The following HEMK2 variants were observed in gnomAD, a reference collection of about 807,000 sequenced individuals.
HEMK2 encodes the protein methyltransferase HEMK2.
chr21:28,604,638 A>C, the HEMK2 span, among the ~76,000 whole-genome samples: 2 of 152,220 alleles, frequency 1.3e-5, no homozygotes, highest in Non-Finnish European at 2.9e-5. Context: ...CATTTTGCAG[A>C]TGAGAAAATA....
chr21:28,866,159 AACAAAC>A, the HEMK2 span, among the ~76,000 whole-genome samples: 6,329 of 101,544 alleles, frequency 0.062, 885 homozygotes, highest in Middle Eastern at 0.089. Context: ...AAAAAACAAA[AACAAAC>A]AAAAAAAAAA....
chr21:28,619,804 A>G, the HEMK2 span, among the ~76,000 whole-genome samples: 5 of 152,176 alleles, frequency 3.3e-5, no homozygotes, highest in African/African-American at 4.8e-5. Flanking sequence ...GTTGCTAAGG[A>G]CTAAGGATAG....
chr21:28,689,123 T>C, the HEMK2 span, among the ~76,000 whole-genome samples: 1 of 111,990 alleles, frequency 8.9e-6, no homozygotes, highest in African/African-American at 5.1e-5. Context: ...AAAAAGTAGT[T>C]ATAAAATGGC....
chr21:28,583,374 C>A, the HEMK2 span, among the ~76,000 whole-genome samples: 1 of 151,992 alleles, frequency 6.6e-6, no homozygotes, highest in East Asian at 1.9e-4. Context: ...ATGGCAAGAC[C>A]CAAGCCAGAA....
At chr21:28,730,393 C>G in the HEMK2 span, among the ~76,000 whole-genome samples, 1 of 103,052 alleles carries the variant, frequency 9.7e-6, no homozygotes, top group African/African-American at 6.3e-5. Flanking sequence ...GACACACACA[C>G]ACACACACAC....
the HEMK2 span, among the ~76,000 whole-genome samples, chr21:28,636,376 C>G: frequency 6.6e-6 from 1 of 152,148 alleles, no homozygotes; most frequent in Admixed American, 6.6e-5. Flanking sequence ...CTAGCAACTG[C>G]TTTATTGTTG....
At chr21:28,837,148 G>A in the HEMK2 span, among the ~76,000 whole-genome samples, 1 of 152,156 alleles carries the variant, frequency 6.6e-6, no homozygotes, top group Non-Finnish European at 1.5e-5. Context: ...AAGACAGAAA[G>A]TCAACAAAGA....
chr21:28,734,716 G>T, the HEMK2 span, among the ~76,000 whole-genome samples: 3 of 152,242 alleles, frequency 2.0e-5, no homozygotes, highest in South Asian at 6.2e-4. Flanking sequence ...GTCAACAAAA[G>T]CTTTCTATCT....
the HEMK2 span, among the ~76,000 whole-genome samples, chr21:28,637,377 G>C: frequency 1.3e-5 from 2 of 151,716 alleles, no homozygotes; most frequent in Non-Finnish European, 2.9e-5. Flanking sequence ...GAATCAAAGG[G>C]ATTAAAAGAT....
At chr21:28,655,330 C>T in the HEMK2 span, among the ~76,000 whole-genome samples, 2 of 151,960 alleles carry the variant, frequency 1.3e-5, no homozygotes, top group Non-Finnish European at 2.9e-5. Context: ...ATGTGGTTAG[C>T]TGCCTGAGGT....
the HEMK2 span, among the ~76,000 whole-genome samples, chr21:28,596,413 C>G: frequency 6.6e-6 from 1 of 152,110 alleles, no homozygotes; most frequent in Non-Finnish European, 1.5e-5. Flanking sequence ...AGTATTACAA[C>G]AAATAACACA....
At chr21:28,652,223 C>T in the HEMK2 span, among the ~76,000 whole-genome samples, 1 of 152,090 alleles carries the variant, frequency 6.6e-6, no homozygotes, top group African/African-American at 2.4e-5. Flanking sequence ...TCCCTCTTTC[C>T]TTTCAGAGTG....
the HEMK2 span, among the ~76,000 whole-genome samples, chr21:28,625,961 C>A: frequency 6.6e-6 from 1 of 152,034 alleles, no homozygotes; most frequent in Non-Finnish European, 1.5e-5. Flanking sequence ...TTGTCAGCAT[C>A]AATCTGCACT....
At chr21:28,732,868 C>A in the HEMK2 span, among the ~76,000 whole-genome samples, 1 of 152,132 alleles carries the variant, frequency 6.6e-6, no homozygotes, top group Non-Finnish European at 1.5e-5. Context: ...CCTCTGTCTG[C>A]CTCTAGATAA....
chr21:28,878,973 A>G, the HEMK2 span, among the ~76,000 whole-genome samples: 1 of 148,288 alleles, frequency 6.7e-6, no homozygotes, highest in Non-Finnish European at 1.5e-5. Context: ...ATATAAAGGC[A>G]CACTGAAGCA....
At chr21:28,624,576 T>C in the HEMK2 span, among the ~76,000 whole-genome samples, 1 of 152,188 alleles carries the variant, frequency 6.6e-6, no homozygotes, top group Admixed American at 6.5e-5. Flanking sequence ...TCTGGTCCCA[T>C]CACTGTCCTA....
At chr21:28,588,982 C>CAAAAAAA in the HEMK2 span, among the ~76,000 whole-genome samples, 36 of 107,304 alleles carry the variant, frequency 3.4e-4, no homozygotes, top group Admixed American at 1.1e-3. Context: ...GACACTGTCT[C>CAAAAAAA]AAAAAAAAAA....
the HEMK2 span, among the ~76,000 whole-genome samples, chr21:28,811,160 T>C: frequency 6.6e-6 from 1 of 151,658 alleles, no homozygotes. Context: ...GGCAGGAGGA[T>C]TTCTTGAGAC....
At chr21:28,749,124 G>T in the HEMK2 span, among the ~76,000 whole-genome samples, 286 of 147,896 alleles carry the variant, frequency 1.9e-3, 4 homozygotes, top group African/African-American at 6.9e-3. Context: ...ATTTGTAGGA[G>T]ATTCCAGCAT....
Sources: gnomAD v4.1 joint callset for allele counts (sites outside exome capture counted in the v4.1 genomes callset) on GRCh38, gnomAD v4.1.1 for gene constraint, MANE v1.5 for transcripts, NCBI Gene and HGNC (gene_info 2026-07-23, HGNC 2026-07-21) for gene names.